ATP8B4: variants seen among roughly 807,000 people sequenced by gnomAD.
ATP8B4 encodes the protein ATPase phospholipid transporting 8B4 (putative), also known as probable phospholipid-transporting ATPase IM.
In ATP8B4, 133 loss-of-function variants were observed where a neutral mutation model predicts 145.6. The observed-to-expected ratio is 0.91, with a 90% CI of 0.79 to 1.05. ATP8B4 has a LOEUF of 1.05. Ranked by LOEUF, ATP8B4 falls within the 50% of genes least tolerant of loss-of-function variation. ATP8B4 has a pLI of 0.00. For synonymous variants in ATP8B4, 507 were observed against 492.9 expected (o/e 1.03, Z -0.38); for missense variants, 1,458 against 1,425.2 (o/e 1.02, Z -0.37).
intron 10 of ATP8B4, 33 bp downstream of exon 10, chr15:49,987,358 C>A: frequency 1.2e-6 from 2 of 1,604,422 alleles, no homozygotes; most frequent in Non-Finnish European, 1.7e-6. Flanking sequence ...AGGAAAGGTT[C>A]CCACAGAGCT....
Position 50,085,910 on chromosome 15 carries a change from T to TA in ATP8B4, c.29-11726_29-11725insT, listed in dbSNP as rs1491207773. Among the ~76,000 whole-genome samples the TA allele has an allele frequency of 8.3e-4, 80 of 96,954 alleles. 5 individuals are homozygous for TA. The highest frequency in any genetic ancestry group is 9.2e-4 in the Non-Finnish European group (49 of 53,038). The allele number at this position is 96,954 out of a possible 152,430, so 63.6% of individuals were successfully genotyped here. A position where few individuals can be genotyped will look rare whatever the true frequency, so the allele number is the denominator to read the frequency against. On this transcript the variant is annotated intron_variant, in intron 2 of 27. Transcript: ENST00000284509. ...TTATATATGATATATATCATATATATTTATATATGATATATATCATATATA... is the reference window on the plus strand; with the variant it reads ...TTATATATGATATATATCATATATATATTATATATGATATATATCATATATA...
chr15:49,979,529 A>AAGCATAAGATCATAAGCAG, intron 12 of ATP8B4, 88 bp downstream of exon 12: 2 of 1,110,942 alleles, frequency 1.8e-6, no homozygotes, highest in African/African-American at 3.1e-5. Flanking sequence ...CAAGACATCT[A>AAGCATAAGATCATAAGCAG]TTGCACTGCT....
intron 25 of ATP8B4, among the ~76,000 whole-genome samples, chr15:49,873,334 T>C (rs1052683469): frequency 4.6e-5 from 7 of 152,222 alleles, no homozygotes; most frequent in African/African-American, 1.7e-4. Context: ...AATTATGTAC[T>C]ACATGAAACT....
At chr15:50,013,731 G>A (rs1460842698) in intron 6 of ATP8B4, among the ~76,000 whole-genome samples, 1 of 152,108 alleles carries the variant, frequency 6.6e-6, no homozygotes, top group East Asian at 1.9e-4. Flanking sequence ...ATTATTTGAA[G>A]CAAATTTTTT....
intron 2 of ATP8B4, among the ~76,000 whole-genome samples, chr15:50,095,945 G>T (rs765893142): frequency 6.6e-6 from 1 of 152,118 alleles, no homozygotes; most frequent in Non-Finnish European, 1.5e-5. Context: ...GCAATCTAAA[G>T]CGATATTGAT....
chr15:50,072,869 C>T (rs1329019653), intron 3 of ATP8B4, among the ~76,000 whole-genome samples: 1 of 146,636 alleles, frequency 6.8e-6, no homozygotes, highest in Non-Finnish European at 1.5e-5. Context: ...ATCTGCCCAC[C>T]TTGGCCTCCC....
rs1399650541 is a variant in ATP8B4, at chr15:50,086,053, CTA to C, written c.29-11870_29-11869del. Among the ~76,000 whole-genome samples, 11 of 97,036 alleles carry C rather than the reference CTA, an allele frequency of 1.1e-4. 1 individual carries two copies. The highest frequency in any genetic ancestry group is 2.7e-4 in the African/African-American group (6 of 22,212). 63.7% of individuals were successfully genotyped at this position (97,036 alleles called of 152,430 possible). A position where few individuals can be genotyped will look rare whatever the true frequency, so the allele number is the denominator to read the frequency against. ...ATTATATATAATATAATATATAGAT[CTA>C]TATATATTATATATAATAAATATAG... On this transcript the variant is annotated intron_variant, in intron 2 of 27. Transcript: ENST00000284509.
intron 1 of ATP8B4, among the ~76,000 whole-genome samples, chr15:50,148,354 C>CA (rs1417031805): frequency 1.4e-4 from 21 of 150,158 alleles, no homozygotes; most frequent in Admixed American, 3.3e-4. Context: ...GGATGGTTTA[C>CA]AAAAAAAAAG....
chr15:49,901,756 A>G (rs76550349), intron 20 of ATP8B4: 3 of 407,532 alleles, frequency 7.4e-6, no homozygotes, highest in South Asian at 3.7e-5. Context: ...TTTAAAAAAA[A>G]TTTAACAAGA....
At chr15:50,103,218 A>T (rs952433500) in intron 2 of ATP8B4, among the ~76,000 whole-genome samples, 3 of 152,188 alleles carry the variant, frequency 2.0e-5, no homozygotes, top group Non-Finnish European at 4.4e-5. Flanking sequence ...ACTTCTATTC[A>T]ACATAGTACT....
At chr15:49,922,234 A>G (rs1365831390) in intron 17 of ATP8B4, 2 of 179,022 alleles carry the variant, frequency 1.1e-5, no homozygotes, top group Non-Finnish European at 2.4e-5. Context: ...CTGAAAAAAA[A>G]TTATTTTGCA....
intron 20 of ATP8B4, among the ~76,000 whole-genome samples, chr15:49,909,414 T>A (rs1467029079): frequency 6.6e-6 from 1 of 152,196 alleles, no homozygotes; most frequent in Non-Finnish European, 1.5e-5. Context: ...CAACCACTGC[T>A]ACTGCCATTG....
At position 50,128,865 on chromosome 15, in the gene ATP8B4, C is replaced by T. The variant is rs140922722; in HGVS notation, c.-42-21857G>A. Reference sequence around the variant, plus strand: ...TCGAGAACTCACAAGGTCAGGAGTTCGAGACCAGACTGACCAACATGGTGA... The same window carrying T: ...TCGAGAACTCACAAGGTCAGGAGTTTGAGACCAGACTGACCAACATGGTGA... On this transcript the variant is annotated intron_variant, in intron 1 of 3. Coordinates refer to the ATP8B4 transcript ENST00000558829. Among the ~76,000 whole-genome samples the T allele has an allele frequency of 9.9e-3, 1,511 of 152,182 alleles. 28 individuals carry two copies. Among genetic ancestry groups the T allele is most frequent in the African/African-American group, 0.035 (1,459 of 41,516 alleles).
rs1040787950 is a variant in ATP8B4, at chr15:49,858,370, T to C, written c.*1824A>G. The C allele has an allele frequency of 6.6e-6, 1 of 152,208 alleles. No homozygotes were observed. The highest frequency in any genetic ancestry group is 1.5e-5 in the Non-Finnish European group (1 of 68,038). The allele number at this position is 152,208 out of a possible 1,614,324, so 9.4% of individuals were successfully genotyped here. ...ACATCTGGTTAAGTGTAGGCAGGCATGTAAGGGAAAGACAACGTCCATAGG... is the reference window on the plus strand; with the variant it reads ...ACATCTGGTTAAGTGTAGGCAGGCACGTAAGGGAAAGACAACGTCCATAGG... On this transcript the variant is annotated 3_prime_UTR_variant, in exon 28 of 28. Transcript: ENST00000284509.
intron 1 of ATP8B4, among the ~76,000 whole-genome samples, chr15:50,168,486 G>A (rs8038224): frequency 0.096 from 14,578 of 152,166 alleles, 935 homozygotes; most frequent in African/African-American, 0.17. Context: ...TTGGAGAGCC[G>A]AGTGAAATAC....
In ATP8B4 at chr15:49,860,461, C is replaced by T; in HGVS notation, c.3312G>A (p.Gln1104=). ...GAGGCCTTGCCTTCTTTTGAGCCTTCTGCCACCGGCGGATCTGGAGAGAAA... is the reference window on the plus strand; with the variant it reads ...GAGGCCTTGCCTTCTTTTGAGCCTTTTGCCACCGGCGGATCTGGAGAGAAA... ...PTLSDQIRRW[Q]KAQKKARPPS... Residue 1104 remains glutamine, a synonymous_variant, in exon 28 of 28, where the codon CAG becomes CAA. Transcript: ENST00000284509. 2 of 1,610,568 alleles carry T rather than the reference C, an allele frequency of 1.2e-6. No individual in the cohort carries two copies. Among genetic ancestry groups the T allele is most frequent in the South Asian group, 1.1e-5 (1 of 90,584 alleles).
chr15:50,124,436 G>T (rs1345613665), intron 1 of ATP8B4, among the ~76,000 whole-genome samples: 1 of 151,994 alleles, frequency 6.6e-6, no homozygotes, highest in East Asian at 1.9e-4. Flanking sequence ...CTCATGAAAA[G>T]AACAAAAAGA....
intron 13 of ATP8B4, among the ~76,000 whole-genome samples, chr15:49,964,561 C>T (rs192969824): frequency 6.6e-6 from 1 of 152,250 alleles, no homozygotes; most frequent in Admixed American, 6.5e-5. Context: ...AAAAATGATT[C>T]TGAAACATTG....
At chr15:50,178,596 C>A (rs1418455819) in intron 1 of ATP8B4, among the ~76,000 whole-genome samples, 1 of 152,168 alleles carries the variant, frequency 6.6e-6, no homozygotes, top group East Asian at 1.9e-4. Context: ...CTCCTGGCCT[C>A]AAGTGATCCT....
Sources: allele counts gnomAD v4.1 joint callset (sites outside exome capture counted in the v4.1 genomes callset), GRCh38; gene constraint gnomAD v4.1.1; transcripts MANE v1.5; gene names NCBI Gene and HGNC (gene_info 2026-07-23, HGNC 2026-07-21).